Variants in NUP214 observed in about 807,000 individuals in gnomAD.
NUP214 encodes nucleoporin 214.
A neutral mutation model predicts 196.2 loss-of-function variants in NUP214; 79 were observed. The observed-to-expected ratio is 0.40, with a 90% CI of 0.34 to 0.49. The LOEUF (loss-of-function observed/expected upper bound fraction) is 0.49, where lower values mean the gene tolerates loss of function less well. Among genes scored for constraint, NUP214 ranks in the 20% least tolerant of loss-of-function variants. The probability of loss-of-function intolerance (pLI) is 0.58; values close to 1 mark genes in which losing one functional copy is unlikely to be tolerated. For missense variants in NUP214, 2,468 were observed against 2,539.0 expected, an observed-to-expected ratio of 0.97 and a Z score of 0.60; for synonymous variants, 1,020 against 990.5, an observed-to-expected ratio of 1.03 and a Z score of -0.56.
intron 6 of NUP214, 148 bp downstream of exon 6, chr9:131,132,807 G>T (rs915321157): frequency 7.0e-6 from 5 of 716,686 alleles, no homozygotes; most frequent in African/African-American, 3.6e-5. Context: ...AATTAAGTCA[G>T]TGTAAATTAT....
At chr9:131,170,497 G>A (rs1285703705) in intron 21 of NUP214, among the ~76,000 whole-genome samples, 1 of 152,134 alleles carries the variant, frequency 6.6e-6, no homozygotes, top group African/African-American at 2.4e-5. Flanking sequence ...TTCTCTTAAT[G>A]TTTTCTGCGT....
At chr9:131,147,626 T>A (rs747890555) in intron 14 of NUP214, 42 bp downstream of exon 14, 5 of 1,376,162 alleles carry the variant, frequency 3.6e-6, no homozygotes, top group Non-Finnish European at 5.2e-6. Flanking sequence ...TTTATTAATT[T>A]ACTGCCCCAA....
chr9:131,163,262 A>C (rs1832695366), intron 19 of NUP214, 89 bp downstream of exon 19: 1 of 1,306,416 alleles, frequency 7.7e-7, no homozygotes, highest in Non-Finnish European at 1.0e-6. Flanking sequence ...ATGGGTTTGC[A>C]AGTGACTCTG....
intron 34 of NUP214, among the ~76,000 whole-genome samples, chr9:131,231,887 C>G (rs1194986535): frequency 3.8e-5 from 2 of 52,374 alleles, no homozygotes; most frequent in African/African-American, 1.6e-4. Context: ...GAAGAGGAAG[C>G]AAATGGATGG....
At chr9:131,136,790 G>T (rs549952037) in intron 9 of NUP214, 1 of 152,342 alleles carries the variant, frequency 6.6e-6, no homozygotes, top group South Asian at 2.1e-4. Flanking sequence ...GGTAGTGGTG[G>T]TGCGCTATCC....
At position 131,197,595 on chromosome 9, in the gene NUP214, C is replaced by T. The variant is rs755825772; in HGVS notation, c.4101C>T (p.Gly1367=). ...LTSTQPTKTS[G]VPSGFNFTAP... ...GTACCCAGCCAACCAAGACGTCAGG[C>T]GTGCCCTCAGGGTTTAATTTTACTG... Residue 1367 remains glycine (G), a synonymous_variant, in exon 29 of 36, where the codon GGC becomes GGT. Transcript: ENST00000359428. 15 of 1,614,044 alleles carry T rather than the reference C, an allele frequency of 9.3e-6. No individual in the cohort carries two copies. The highest frequency in any genetic ancestry group is 2.2e-5 in the East Asian group (1 of 44,896).
intron 16 of NUP214, among the ~76,000 whole-genome samples, chr9:131,151,249 A>G (rs761714474): frequency 4.6e-5 from 7 of 152,246 alleles, no homozygotes; most frequent in South Asian, 2.1e-4. Context: ...CATCACTTGT[A>G]TTATCTCACT....
intron 30 of NUP214, among the ~76,000 whole-genome samples, chr9:131,206,141 C>CTTTTTTTTTTTT (rs1588166866): frequency 6.3e-4 from 15 of 23,858 alleles, no homozygotes; most frequent in East Asian, 2.9e-3. Flanking sequence ...GAATTTTTTT[C>CTTTTTTTTTTTT]TTTTTTCTTT....
chr9:131,130,943 C>A, intron 5 of NUP214, 107 bp downstream of exon 5: 2 of 788,242 alleles, frequency 2.5e-6, no homozygotes, highest in Middle Eastern at 3.6e-4. Context: ...AATTTATACT[C>A]ATTGTAACAA....
At chr9:131,166,046 C>CA (rs1832779737) in intron 21 of NUP214, among the ~76,000 whole-genome samples, 1 of 152,150 alleles carries the variant, frequency 6.6e-6, no homozygotes, top group Non-Finnish European at 1.5e-5. Flanking sequence ...GTGATGATTA[C>CA]ACAACAATGT....
At chr9:131,221,707 C>G (rs1192331474) in intron 31 of NUP214, among the ~76,000 whole-genome samples, 1 of 152,140 alleles carries the variant, frequency 6.6e-6, no homozygotes, top group Non-Finnish European at 1.5e-5. Flanking sequence ...TGCTGTGCCT[C>G]CCATTTATGC....
intron 9 of NUP214, among the ~76,000 whole-genome samples, chr9:131,136,237 G>T (rs3739506): frequency 6.6e-6 from 1 of 152,058 alleles, no homozygotes; most frequent in South Asian, 2.1e-4. Context: ...ACTGGGTTTC[G>T]CCATGTTGGC....
intron 30 of NUP214, among the ~76,000 whole-genome samples, chr9:131,210,866 C>T (rs1834222427): frequency 1.3e-5 from 2 of 151,876 alleles, no homozygotes; most frequent in Non-Finnish European, 2.9e-5. Context: ...AATCAGAGTC[C>T]TAGAAGGGTA....
At chr9:131,218,825 G>A (rs560192885) in intron 31 of NUP214, among the ~76,000 whole-genome samples, 43 of 152,180 alleles carry the variant, frequency 2.8e-4, no homozygotes, top group Non-Finnish European at 6.2e-4. Context: ...TGGCCCCAAA[G>A]TACCTTTCTG....
intron 13 of NUP214, 85 bp from the exon 14 acceptor site, chr9:131,147,405 C>A: frequency 1.9e-6 from 2 of 1,033,996 alleles, no homozygotes; most frequent in Middle Eastern, 2.1e-4. Flanking sequence ...AACTTAATTT[C>A]TTAGATTTGG....
At position 131,222,883 on chromosome 9, in the gene NUP214, G is replaced by A; in HGVS notation, c.5855G>A (p.Gly1952Glu). 1.2e-6 allele frequency: 2 copies of A among 1,614,210 alleles called. No individual in the cohort carries two copies. Among genetic ancestry groups the A allele is most frequent in the East Asian group, 2.2e-5 (1 of 44,886 alleles). ...KPTGTFSSGG[G>E]SVASQGFGFS... is the part of the protein sequence containing the mutation. ...ACTGGCACTTTCAGCTCTGGAGGAG[G>A]AAGTGTGGCATCCCAAGGCTTTGGG... is the stretch of plus-strand genomic sequence containing the variant. The change falls in exon 32 of 36, where the codon GGA becomes GAA. Residue 1952 changes from glycine to glutamate, a missense_variant. Coordinates refer to ENST00000359428, the MANE Select transcript of NUP214 (RefSeq NM_005085.4).
chr9:131,151,641 A>T, intron 16 of NUP214, 95 bp from the exon 17 acceptor site: 1 of 871,398 alleles, frequency 1.1e-6, no homozygotes, highest in Non-Finnish European at 1.8e-6. Context: ...CATTCTGTTC[A>T]GTGAGCGTTT....
intron 33 of NUP214, chr9:131,229,465 A>G (rs28513357): frequency 0.039 from 13,092 of 334,084 alleles, 428 homozygotes; most frequent in African/African-American, 0.11. Flanking sequence ...CAGAGTTGGT[A>G]GAAGGTTTGG....
chr9:131,177,140 G>C (rs1280275095), intron 23 of NUP214, among the ~76,000 whole-genome samples: 2 of 151,888 alleles, frequency 1.3e-5, no homozygotes, highest in Non-Finnish European at 2.9e-5. Context: ...AGACATAATA[G>C]TTTGATTTAG....
Sources: allele counts gnomAD v4.1 joint callset (sites outside exome capture counted in the v4.1 genomes callset), GRCh38; gene constraint gnomAD v4.1.1; transcripts MANE v1.5; gene names NCBI Gene and HGNC (gene_info 2026-07-23, HGNC 2026-07-21).